The following HDAC4 variants were observed in gnomAD, a reference collection of about 807,000 sequenced individuals.
HDAC4 encodes the protein histone deacetylase A.
In HDAC4, 16 loss-of-function variants were observed where a neutral mutation model predicts 135.1. That is an observed-to-expected ratio of 0.12 (90% CI 0.08 to 0.18). The LOEUF (loss-of-function observed/expected upper bound fraction) is 0.18, where lower values mean the gene tolerates loss of function less well. HDAC4 is among the 10% of genes least tolerant of loss of function. The pLI, the probability that HDAC4 is intolerant of heterozygous loss-of-function variation, is 1.00. For missense variants in HDAC4, 1,143 were observed against 1,511.8 expected (o/e 0.76, Z 4.05); for synonymous variants, 685 against 653.4 (o/e 1.05, Z -0.74).
intron 6 of HDAC4, chr2:239,161,971 G>T (rs929618980): frequency 7.7e-6 from 3 of 392,086 alleles, no homozygotes; most frequent in Non-Finnish European, 1.6e-5. Context: ...TCAGGTCCAG[G>T]CCACTGCCCG....
chr2:239,096,570 ACCCCCCACGAACACCTGCAC>A (rs2037093915), intron 16 of HDAC4, among the ~76,000 whole-genome samples: 1 of 35,090 alleles, frequency 2.8e-5, no homozygotes. Flanking sequence ...AGACGCCTAC[ACCCCCCACGAACACCTGCAC>A]CCCCCACGAA....
At chr2:239,178,422 C>CA (rs1289344567) in intron 4 of HDAC4, among the ~76,000 whole-genome samples, 1 of 152,052 alleles carries the variant, frequency 6.6e-6, no homozygotes, top group Non-Finnish European at 1.5e-5. Flanking sequence ...ATTAAAAAAA[C>CA]AAAATTGTAG....
At chr2:239,130,537 TCCC>T (rs879708929) in intron 11 of HDAC4, among the ~76,000 whole-genome samples, 8,327 of 146,816 alleles carry the variant, frequency 0.057, 1,607 homozygotes, top group Admixed American at 0.08. Flanking sequence ...CATACACATC[TCCC>T]TCCACCTGTC....
intron 2 of HDAC4, among the ~76,000 whole-genome samples, chr2:239,334,299 T>C (rs1439767792): frequency 1.3e-5 from 2 of 150,960 alleles, no homozygotes; most frequent in Non-Finnish European, 3.0e-5. Flanking sequence ...GAGGACGGAT[T>C]GCTTGAGGTC....
In HDAC4 at chr2:239,331,638, A is replaced by C. The variant is rs187674629; in HGVS notation, c.22+21040T>G. Among the ~76,000 whole-genome samples, 112 of 152,318 alleles carry C rather than the reference A, an allele frequency of 7.4e-4. No individual in the cohort carries two copies. Among genetic ancestry groups the C allele is most frequent in the Admixed American group, 2.8e-3 (43 of 15,298 alleles). ...TGCAATGACACGTCGCCAGGGCTGC[A>C]CTGGACCCACCGTGCGGGGACTGCC... On this transcript the variant is annotated intron_variant, in intron 2 of 26. Transcript: ENST00000543185. The surrounding 1 kb of genome is among the most constrained non-coding windows in gnomAD (Gnocchi z 4.5).
intron 2 of HDAC4, among the ~76,000 whole-genome samples, chr2:239,311,425 G>A (rs1484041790): frequency 1.3e-5 from 2 of 152,220 alleles, no homozygotes; most frequent in Admixed American, 1.3e-4. Context: ...GGCGTCAGCT[G>A]TTCTGATCCG....
intron 1 of HDAC4, among the ~76,000 whole-genome samples, chr2:239,362,882 A>G (rs1350974735): frequency 6.6e-6 from 1 of 152,242 alleles, no homozygotes; most frequent in Non-Finnish European, 1.5e-5. Flanking sequence ...CAGATGATAT[A>G]GTGTATACAC....
chr2:239,163,089 T>TA (rs2042912807), intron 6 of HDAC4, among the ~76,000 whole-genome samples: 1 of 151,930 alleles, frequency 6.6e-6, no homozygotes, highest in African/African-American at 2.4e-5. Context: ...CTGTGAACTC[T>TA]CCCCCGAAGG....
chr2:239,304,358 C>G (rs1241649047), intron 2 of HDAC4, among the ~76,000 whole-genome samples: 1 of 152,124 alleles, frequency 6.6e-6, no homozygotes, highest in African/African-American at 2.4e-5. Flanking sequence ...GTGTAAACAC[C>G]AGGCACATAG....
intron 6 of HDAC4, chr2:239,161,835 G>A (rs1559535583): frequency 1.0e-5 from 4 of 384,142 alleles, no homozygotes; most frequent in African/African-American, 4.2e-5. Context: ...CTCCCTGGAA[G>A]CCCCCCATCT....
At chr2:239,325,712 C>G (rs1237543276) in intron 2 of HDAC4, among the ~76,000 whole-genome samples, 2 of 152,186 alleles carry the variant, frequency 1.3e-5, no homozygotes, top group African/African-American at 4.8e-5. Flanking sequence ...CGCCTGTAAT[C>G]CCAGCACTTT....
intron 17 of HDAC4, among the ~76,000 whole-genome samples, chr2:239,092,466 T>C (rs1161882700): frequency 6.6e-6 from 1 of 152,074 alleles, no homozygotes; most frequent in Admixed American, 6.5e-5. Flanking sequence ...GCGGAGGGTG[T>C]ACTACACCCG....
chr2:239,274,978 A>G (rs545325593), intron 2 of HDAC4, among the ~76,000 whole-genome samples: 209 of 152,342 alleles, frequency 1.4e-3, no homozygotes, highest in Non-Finnish European at 2.6e-3. Flanking sequence ...TCCTGGAGTG[A>G]TTTTGTGTGA....
intron 1 of HDAC4, among the ~76,000 whole-genome samples, chr2:239,359,900 A>G (rs908255729): frequency 9.9e-5 from 15 of 152,204 alleles, no homozygotes; most frequent in African/African-American, 3.1e-4. Flanking sequence ...CTTTCTGGAA[A>G]CCGGCGAGAA....
rs1389169189 is a variant in HDAC4 at position 239,131,131 on chromosome 2, C to T, written c.1294+3114G>A. ...CATGAACAGGGACATAGAAGAGGCA[C>T]GCCCAGCCTGTGACTGGCGAGGAAC... On this transcript the variant is annotated intron_variant, in intron 11 of 26. Coordinates refer to ENST00000543185, the MANE Select transcript of HDAC4 (RefSeq NM_001378414.1). 3.9e-5 allele frequency among the ~76,000 whole-genome samples: 6 copies of T among 152,242 alleles called. No homozygotes were observed. In the East Asian group the frequency reaches 9.6e-4, roughly 24 times the overall value.
intron 1 of HDAC4, among the ~76,000 whole-genome samples, chr2:239,359,598 C>T (rs915485034): frequency 1.3e-5 from 2 of 152,164 alleles, no homozygotes; most frequent in Non-Finnish European, 2.9e-5. Context: ...GCTCCAGCTA[C>T]TGGGGAGTGC....
chr2:239,089,150 A>G (rs2036259600), intron 18 of HDAC4, among the ~76,000 whole-genome samples: 1 of 152,188 alleles, frequency 6.6e-6, no homozygotes. Context: ...ACCCACAATT[A>G]GAATACCTCT....
intron 2 of HDAC4, among the ~76,000 whole-genome samples, chr2:239,289,075 G>A (rs1431146193): frequency 2.0e-5 from 3 of 152,226 alleles, no homozygotes; most frequent in Non-Finnish European, 4.4e-5. Context: ...AGCACAGGGA[G>A]GGTCCAAAAC....
intron 3 of HDAC4, among the ~76,000 whole-genome samples, chr2:239,197,464 C>T (rs576491071): frequency 2.0e-4 from 30 of 152,290 alleles, no homozygotes; most frequent in African/African-American, 6.5e-4. Context: ...CCTTTGGAGA[C>T]GGCAGCTCCC....
Sources: gnomAD v4.1 joint callset for allele counts (sites outside exome capture counted in the v4.1 genomes callset) on GRCh38, gnomAD v4.1.1 for gene constraint, Gnocchi (gnomAD v3.1) non-coding constraint, MANE v1.5 for transcripts, NCBI Gene and HGNC (gene_info 2026-07-23, HGNC 2026-07-21) for gene names.